Variants in SGIP1 observed in about 807,000 individuals in gnomAD.
The protein encoded by SGIP1 is SH3-containing GRB2-like protein 3-interacting protein 1.
Under a neutral mutation model 107.5 loss-of-function variants are expected in SGIP1, and 38 were observed. That is an observed-to-expected ratio of 0.35 (90% confidence interval 0.27 to 0.46). The LOEUF is 0.46. Ranked by LOEUF, SGIP1 falls within the 20% of genes least tolerant of loss-of-function variation. The pLI, the probability that SGIP1 is intolerant of heterozygous loss-of-function variation, is 1.00. For synonymous variants in SGIP1, 365 were observed against 366.1 expected (o/e 1.00, Z 0.03); for missense variants, 929 against 1,019.5 (o/e 0.91, Z 1.21).
chr1:66,684,100 T>C, intron 15 of SGIP1: 1 of 1,550,466 alleles, frequency 6.4e-7, no homozygotes. Context: ...TCTTTCCCTT[T>C]TTACAGATGG....
chr1:66,540,306 T>C (rs528082758), intron 1 of SGIP1, among the ~76,000 whole-genome samples: 4 of 152,160 alleles, frequency 2.6e-5, no homozygotes, highest in African/African-American at 7.2e-5. Context: ...TCCTAGGAAA[T>C]GATTTCATAA....
chr1:66,534,025 C>G, upstream of SGIP1: 1 of 409,826 alleles, frequency 2.4e-6, no homozygotes, highest in Non-Finnish European at 4.4e-6. Context: ...TGTGTGCTCT[C>G]CGGGGGTATT....
intron 7 of SGIP1, among the ~76,000 whole-genome samples, chr1:66,655,336 TCA>T (rs1169444130): frequency 6.6e-6 from 1 of 152,108 alleles, no homozygotes; most frequent in African/African-American, 2.4e-5. Context: ...ATCTGTTTGC[TCA>T]GTCACTTTCT....
intron 19 of SGIP1, among the ~76,000 whole-genome samples, chr1:66,725,873 G>A (rs913610783): frequency 6.6e-6 from 1 of 152,224 alleles, no homozygotes; most frequent in Non-Finnish European, 1.5e-5. Flanking sequence ...GGGAAGCTAA[G>A]GTTGATGGGT....
At chr1:66,600,410 G>T (rs2065571610) in intron 1 of SGIP1, among the ~76,000 whole-genome samples, 1 of 152,132 alleles carries the variant, frequency 6.6e-6, no homozygotes, top group South Asian at 2.1e-4. Flanking sequence ...TCACACTCGT[G>T]GTAGTTGTCA....
intron 1 of SGIP1, among the ~76,000 whole-genome samples, chr1:66,577,988 A>T (rs972417998): frequency 2.6e-5 from 4 of 152,070 alleles, no homozygotes; most frequent in Non-Finnish European, 5.9e-5. Context: ...CTCTATTAAA[A>T]CCTATTCTAA....
At chr1:66,563,541 G>C (rs2059247169) in intron 1 of SGIP1, among the ~76,000 whole-genome samples, 1 of 152,044 alleles carries the variant, frequency 6.6e-6, no homozygotes, top group Non-Finnish European at 1.5e-5. Flanking sequence ...CTTCACAAGG[G>C]AAGACTGTGC....
chr1:66,619,944 A>G (rs896759247), intron 1 of SGIP1, among the ~76,000 whole-genome samples: 1 of 152,236 alleles, frequency 6.6e-6, no homozygotes, highest in Non-Finnish European at 1.5e-5. Context: ...GGTTCTTTGG[A>G]GTATGAGACT....
chr1:66,655,109 G>A (rs193056268), intron 7 of SGIP1, among the ~76,000 whole-genome samples: 2 of 151,978 alleles, frequency 1.3e-5, no homozygotes, highest in Non-Finnish European at 2.9e-5. Flanking sequence ...GTTACTAAAT[G>A]TCCACACCTC....
Position 66,747,499 on chromosome 1 carries a change from T to C in SGIP1, c.*4404T>C, listed in dbSNP as rs1406304266. 1.3e-5 allele frequency: 2 copies of C among 152,052 alleles called. No individual in the cohort carries two copies. The highest frequency in any genetic ancestry group is 2.9e-5 in the Non-Finnish European group (2 of 67,888). 9.4% of individuals were successfully genotyped at this position (152,052 alleles called of 1,614,324 possible). Reference sequence around the variant, plus strand: ...TCATTTTCATATTTCTGTCCTTTTCTTCAATGTCTTAAAAGACTTGAAGTA... The same window carrying C: ...TCATTTTCATATTTCTGTCCTTTTCCTCAATGTCTTAAAAGACTTGAAGTA... On this transcript the variant is annotated 3_prime_UTR_variant, in exon 25 of 25. Coordinates refer to ENST00000371037, the MANE Select transcript of SGIP1 (RefSeq NM_032291.4).
chr1:66,539,883 T>C (rs1407821306), intron 1 of SGIP1, among the ~76,000 whole-genome samples: 2 of 141,376 alleles, frequency 1.4e-5, no homozygotes, highest in Non-Finnish European at 3.1e-5. Context: ...TTATGGCTTG[T>C]GGTTGCTTTC....
intron 9 of SGIP1, among the ~76,000 whole-genome samples, chr1:66,667,828 T>C (rs985418436): frequency 6.6e-6 from 1 of 152,190 alleles, no homozygotes; most frequent in Non-Finnish European, 1.5e-5. Flanking sequence ...TGTGTGTGTG[T>C]GTATGTGTAT....
intron 8 of SGIP1, among the ~76,000 whole-genome samples, chr1:66,663,540 C>G (rs2081954246): frequency 6.6e-6 from 1 of 152,078 alleles, no homozygotes. Context: ...ATATATAAAG[C>G]CCTTCCATTT....
rs867638929 is a variant in SGIP1 at position 66,660,019 on chromosome 1, G to A, written c.460-494G>A. 553 of 93,460 alleles carry A rather than the reference G, an allele frequency of 5.9e-3. 71 individuals carry two copies. Among genetic ancestry groups the A allele is most frequent in the African/African-American group, 0.024 (393 of 16,678 alleles). 5.8% of individuals were successfully genotyped at this position (93,460 alleles called of 1,614,324 possible). On this transcript the variant is annotated intron_variant, in intron 7 of 24. Transcript: ENST00000371037. ...GAAAGACAGACAGACAGACAGACAG[G>A]AAGGAAGGAAGGAAGGAAGGAAAGA...
At chr1:66,599,027 G>T (rs2065242987) in intron 1 of SGIP1, among the ~76,000 whole-genome samples, 1 of 151,940 alleles carries the variant, frequency 6.6e-6, no homozygotes, top group African/African-American at 2.4e-5. Context: ...TTCTACCCAG[G>T]GCTCAGCAAG....
At chr1:66,588,805 C>T (rs2063100044) in intron 1 of SGIP1, among the ~76,000 whole-genome samples, 1 of 151,752 alleles carries the variant, frequency 6.6e-6, no homozygotes. Flanking sequence ...AGATCATTAG[C>T]AATATATTCT....
At chr1:66,639,960 AT>A in intron 5 of SGIP1, 127 bp downstream of exon 5, 1 of 708,518 alleles carries the variant, frequency 1.4e-6, no homozygotes, top group Non-Finnish European at 2.4e-6. Flanking sequence ...TGTCTGGCAT[AT>A]TTAGGATGGG....
chr1:66,721,370 GGCC>G (rs2093524093), intron 19 of SGIP1, among the ~76,000 whole-genome samples: 1 of 152,024 alleles, frequency 6.6e-6, no homozygotes, highest in Non-Finnish European at 1.5e-5. Context: ...AAATCACGTT[GGCC>G]TGAATTGAGA....
At chr1:66,644,555 TAG>T (rs2077335332) in intron 7 of SGIP1, among the ~76,000 whole-genome samples, 1 of 121,136 alleles carries the variant, frequency 8.3e-6, no homozygotes, top group Non-Finnish European at 1.6e-5. Flanking sequence ...GCATCTTCTT[TAG>T]AGAGATGTGA....
Sources: gnomAD v4.1 joint callset for allele counts (sites outside exome capture counted in the v4.1 genomes callset) on GRCh38, gnomAD v4.1.1 for gene constraint, MANE v1.5 for transcripts, NCBI Gene and HGNC (gene_info 2026-07-23, HGNC 2026-07-21) for gene names.